The following SLC22A3 variants were observed in gnomAD, a reference collection of about 807,000 sequenced individuals.
SLC22A3 encodes the protein solute carrier family 22 member 3.
Under a neutral mutation model 59.1 loss-of-function variants are expected in SLC22A3, and 51 were observed. That is an observed-to-expected ratio of 0.86 (90% confidence interval 0.69 to 1.09). SLC22A3 has a LOEUF of 1.09. Among genes scored for constraint, SLC22A3 ranks in the 50% least tolerant of loss-of-function variants. The pLI is 0.00. For synonymous variants in SLC22A3, 325 were observed against 292.0 expected (o/e 1.11, Z -1.15); for missense variants, 711 against 726.3 (o/e 0.98, Z 0.24).
intron 7 of SLC22A3, among the ~76,000 whole-genome samples, chr6:160,439,845 C>T (rs376223682): frequency 2.0e-5 from 3 of 152,300 alleles, no homozygotes; most frequent in South Asian, 2.1e-4. Context: ...TATTAACAGA[C>T]GATCCTCCCT....
intron 5 of SLC22A3, among the ~76,000 whole-genome samples, chr6:160,413,652 G>T (rs1787348700): frequency 6.6e-6 from 1 of 152,186 alleles, no homozygotes; most frequent in South Asian, 2.1e-4. Flanking sequence ...TATTCCTGTG[G>T]TTCTTAAAAT....
intron 3 of SLC22A3, among the ~76,000 whole-genome samples, chr6:160,408,309 A>G (rs1787104265): frequency 6.6e-6 from 1 of 152,184 alleles, no homozygotes; most frequent in Admixed American, 6.5e-5. Flanking sequence ...GTCTTTGTAG[A>G]GTCTTATATT....
intron 5 of SLC22A3, among the ~76,000 whole-genome samples, chr6:160,412,596 T>C (rs78058009): frequency 0.013 from 1,918 of 152,322 alleles, 52 homozygotes; most frequent in African/African-American, 0.043. Context: ...AAGCATGATC[T>C]TTTTAAACCA....
rs1787122060 is a variant in SLC22A3 at position 160,408,784 on chromosome 6, G to C, written c.720G>C (p.Arg240Ser). ...AAATAGTAGGTTCGAAACAAAGGAG[G>C]ATTGTGGGAATCGTGATTCAAATGT... is the stretch of plus-strand genomic sequence containing the variant. ...VTEIVGSKQR[R>S]IVGIVIQMFF... The change falls in exon 4 of 11, where the codon AGG becomes AGC. Residue 240 changes from arginine (R) to serine (S), a missense_variant. Coordinates refer to ENST00000275300, the MANE Select transcript of SLC22A3 (RefSeq NM_021977.4). 1 of 1,613,770 alleles carries C rather than the reference G, an allele frequency of 6.2e-7. No individual in the cohort carries two copies. The highest frequency in any genetic ancestry group is 1.7e-5 in the Admixed American group (1 of 59,948).
In SLC22A3 at chr6:160,348,770, C is replaced by T; in HGVS notation, c.351C>T (p.Phe117=). 2.6e-6 allele frequency: 4 copies of T among 1,548,350 alleles called. No individual in the cohort carries two copies. Among genetic ancestry groups the T allele is most frequent in the Non-Finnish European group, 3.5e-6 (4 of 1,153,528 alleles). Residue 117 remains phenylalanine, a synonymous_variant, in exon 1 of 11, where the codon TTC becomes TTT. Coordinates refer to ENST00000275300, the MANE Select transcript of SLC22A3 (RefSeq NM_021977.4). ...GCTGCGCGGACCCACTCGCCGCCTT[C>T]CCCAACCGCTCGGCTCCCCTTGTGC... is the stretch of plus-strand genomic sequence containing the variant. ...ALSCADPLAA[F]PNRSAPLVPC...
At chr6:160,392,336 C>T (rs1397401272) in intron 1 of SLC22A3, among the ~76,000 whole-genome samples, 3 of 152,190 alleles carry the variant, frequency 2.0e-5, no homozygotes, top group Non-Finnish European at 2.9e-5. Context: ...CTTCAAGTCT[C>T]CAGCTGCTCT....
At chr6:160,428,754 A>G (rs1278120863) in intron 5 of SLC22A3, among the ~76,000 whole-genome samples, 17 of 152,244 alleles carry the variant, frequency 1.1e-4, no homozygotes, top group Non-Finnish European at 7.3e-5. Context: ...TTTAATAAAC[A>G]TCAAACATTT....
intron 7 of SLC22A3, among the ~76,000 whole-genome samples, chr6:160,437,596 C>T (rs1171051670): frequency 1.3e-5 from 2 of 152,208 alleles, no homozygotes; most frequent in Non-Finnish European, 2.9e-5. Context: ...AGAACGCAGT[C>T]TTGACTTCGA....
chr6:160,451,075 AAAG>A lies in SLC22A3; in HGVS notation c.*23_*25del. On this transcript the variant is annotated 3_prime_UTR_variant, in exon 11 of 11. Transcript: ENST00000275300. ...CCTTTGAGGCCCCCGACAAAGACAG[AAAG>A]AAGGAGCTATCCAGGAGCTGATCCT... The A allele has an allele frequency of 1.3e-6, 2 of 1,582,616 alleles. No homozygotes were observed. Among genetic ancestry groups the A allele is most frequent in the South Asian group, 1.2e-5 (1 of 86,386 alleles).
chr6:160,451,116 G>T lies in SLC22A3; in HGVS notation c.*60G>T. 6.7e-7 allele frequency: 1 copy of T among 1,482,188 alleles called. No individual in the cohort carries two copies. Among genetic ancestry groups the T allele is most frequent in the South Asian group, 1.2e-5 (1 of 83,078 alleles). The allele number at this position is 1,482,188 out of a possible 1,614,324, so 91.8% of individuals were successfully genotyped here. A position where few individuals can be genotyped will look rare whatever the true frequency, so the allele number is the denominator to read the frequency against. ...AGGAGCTGATCCTCCTTGCAAAGCTGTGCCTTGCAGAGATGCACGTGTGCA... is the reference window on the plus strand; with the variant it reads ...AGGAGCTGATCCTCCTTGCAAAGCTTTGCCTTGCAGAGATGCACGTGTGCA... On this transcript the variant is annotated 3_prime_UTR_variant, in exon 11 of 11. Coordinates refer to ENST00000275300, the MANE Select transcript of SLC22A3 (RefSeq NM_021977.4).
intron 1 of SLC22A3, among the ~76,000 whole-genome samples, chr6:160,372,647 T>TGGGGTTTTCCTG (rs1310414048): frequency 6.4e-4 from 98 of 152,338 alleles, no homozygotes; most frequent in Non-Finnish European, 1.0e-3. Flanking sequence ...AAACGTAGGT[T>TGGGGTTTTCCTG]TGGCCTTTTC....
chr6:160,356,549 C>T (rs532426432), intron 1 of SLC22A3, among the ~76,000 whole-genome samples: 165 of 152,300 alleles, frequency 1.1e-3, no homozygotes, highest in African/African-American at 3.8e-3. Context: ...GTGCAAGGCC[C>T]GGTGCAGGGA....
At chr6:160,360,553 T>C (rs1459608232) in intron 1 of SLC22A3, among the ~76,000 whole-genome samples, 1 of 152,190 alleles carries the variant, frequency 6.6e-6, no homozygotes, top group Non-Finnish European at 1.5e-5. Flanking sequence ...AACCTCTTTC[T>C]CTTAAGAACA....
In SLC22A3 at chr6:160,426,216, G is replaced by C; in HGVS notation, c.976-10564G>C. The C allele has an allele frequency of 5.1e-6, 5 of 985,316 alleles. No homozygotes were observed. The South Asian group carries it at 2.3e-4, about 46-fold the overall frequency. The allele number at this position is 985,316 out of a possible 1,614,324, so 61.0% of individuals were successfully genotyped here. On this transcript the variant is annotated intron_variant, in intron 5 of 10. Transcript: ENST00000275300. ...TCAGCATTTTCAAACTAAACCAAAG[G>C]CTTTCTGAGTTACATAAGGAAGGCA...
Position 160,437,066 on chromosome 6 carries a change from A to C in SLC22A3, c.1143A>C (p.Ile381=), listed in dbSNP as rs770945878. Residue 381 remains isoleucine, a synonymous_variant, in exon 7 of 11, where the codon ATA becomes ATC. Coordinates refer to ENST00000275300, the MANE Select transcript of SLC22A3 (RefSeq NM_021977.4). The part of the protein sequence containing the change: ...RLGIIGGNLY[I]DFFISGVVEL... ...GAATTATAGGGGGCAACCTCTATAT[A>C]GACTTTTTCATCTCGGGCGTGGTGG... 2 of 1,614,158 alleles carry C rather than the reference A, an allele frequency of 1.2e-6. No homozygotes were observed. Among genetic ancestry groups the C allele is most frequent in the Non-Finnish European group, 8.5e-7 (1 of 1,180,010 alleles).
At chr6:160,375,578 C>A (rs1396511379) in intron 1 of SLC22A3, among the ~76,000 whole-genome samples, 1 of 152,068 alleles carries the variant, frequency 6.6e-6, no homozygotes, top group Non-Finnish European at 1.5e-5. Flanking sequence ...AGTGCTTATG[C>A]AGAGCAAGTG....
At chr6:160,420,434 A>T (rs1787681182) in intron 5 of SLC22A3, among the ~76,000 whole-genome samples, 2 of 152,238 alleles carry the variant, frequency 1.3e-5, no homozygotes, top group East Asian at 3.8e-4. Flanking sequence ...TCTCTGCTGT[A>T]CAAGTTAGGG....
intron 1 of SLC22A3, among the ~76,000 whole-genome samples, chr6:160,380,975 A>G (rs1331989462): frequency 6.6e-6 from 1 of 152,224 alleles, no homozygotes; most frequent in Non-Finnish European, 1.5e-5. Flanking sequence ...CAGAAAGGTA[A>G]ACATAATTCA....
At position 160,436,801 on chromosome 6, in the gene SLC22A3, G is replaced by C. The variant is rs527523620; in HGVS notation, c.997G>C (p.Val333Leu). The C allele has an allele frequency of 6.2e-7, 1 of 1,612,324 alleles. No individual in the cohort carries two copies. The highest frequency in any genetic ancestry group is 1.7e-5 in the Admixed American group (1 of 60,000). ...YSEITVTDEE[V>L]SNPSFLDLVR... ...ATAGATCACTGTTACAGATGAGGAA[G>C]TTAGTAATCCATCCTTTTTAGATCT... is the stretch of plus-strand genomic sequence containing the variant. Residue 333 changes from valine (V) to leucine (L), a missense_variant, in exon 6 of 11, where the codon GTT becomes CTT. By Grantham distance (32) the Val-to-Leu change is conservative. Coordinates refer to ENST00000275300, the MANE Select transcript of SLC22A3 (RefSeq NM_021977.4).
Sources: gnomAD v4.1 joint callset for allele counts (sites outside exome capture counted in the v4.1 genomes callset) on GRCh38, gnomAD v4.1.1 for gene constraint, MANE v1.5 for transcripts, NCBI Gene and HGNC (gene_info 2026-07-23, HGNC 2026-07-21) for gene names.